TECRL: variants seen among roughly 807,000 people sequenced by gnomAD.
TECRL encodes the protein trans-2,3-enoyl-CoA reductase like, also known as trans-2,3-enoyl-CoA reductase-like.
In TECRL, 63 loss-of-function variants were observed where a neutral mutation model predicts 52.8. That is an observed-to-expected ratio of 1.19 (90% CI 0.97 to 1.47). TECRL has a LOEUF of 1.47. Ranked by LOEUF, TECRL falls within the 40% of genes most tolerant of loss-of-function variation. TECRL has a pLI of 0.00. For synonymous variants in TECRL, 164 were observed against 141.9 expected, an observed-to-expected ratio of 1.16 and a Z score of -1.10; for missense variants, 482 against 429.6, an observed-to-expected ratio of 1.12 and a Z score of -1.08.
intron 2 of TECRL, among the ~76,000 whole-genome samples, chr4:64,339,169 A>C (rs1719356130): frequency 6.6e-6 from 1 of 151,790 alleles, no homozygotes; most frequent in African/African-American, 2.4e-5. Context: ...CATTCTCAGC[A>C]AACTATCACA....
At chr4:64,324,228 G>A (rs1207539946) in intron 3 of TECRL, among the ~76,000 whole-genome samples, 3 of 152,116 alleles carry the variant, frequency 2.0e-5, no homozygotes, top group Admixed American at 6.5e-5. Context: ...ATCTTTTTAA[G>A]CACTATTTAT....
At chr4:64,374,034 ATATG>A (rs1316447967) in intron 2 of TECRL, among the ~76,000 whole-genome samples, 3 of 79,062 alleles carry the variant, frequency 3.8e-5, no homozygotes, top group Non-Finnish European at 7.4e-5. Flanking sequence ...ACATATATAT[ATATG>A]TATATAGTAG....
At chr4:64,373,108 C>A (rs1722100225) in intron 2 of TECRL, among the ~76,000 whole-genome samples, 1 of 151,408 alleles carries the variant, frequency 6.6e-6, no homozygotes, top group African/African-American at 2.4e-5. Context: ...TGTAATGCAG[C>A]AAAAAGTGTT....
intron 5 of TECRL, 40 bp downstream of exon 5, chr4:64,314,595 GTGTGTGTGTGTGT>G: frequency 3.9e-4 from 1 of 2,560 alleles, no homozygotes; most frequent in Non-Finnish European, 1.0e-3. Context: ...TGTATGGTGT[GTGTGTGTGTGTGT>G]GTGTGTGTGT....
intron 2 of TECRL, among the ~76,000 whole-genome samples, chr4:64,361,410 T>A (rs989381101): frequency 1.3e-5 from 2 of 152,088 alleles, no homozygotes; most frequent in Admixed American, 6.6e-5. Flanking sequence ...CCTATCCAAA[T>A]GTGCAAGGGC....
intron 2 of TECRL, among the ~76,000 whole-genome samples, chr4:64,344,404 G>A (rs575927023): frequency 1.3e-5 from 2 of 152,020 alleles, no homozygotes; most frequent in African/African-American, 2.4e-5. Context: ...AATTCCTGGT[G>A]CATTTTTGAG....
At chr4:64,398,240 G>A (rs1724100012) in intron 1 of TECRL, among the ~76,000 whole-genome samples, 3 of 152,012 alleles carry the variant, frequency 2.0e-5, no homozygotes, top group Non-Finnish European at 4.4e-5. Context: ...TATTTCTCAG[G>A]TGCGTCTAAT....
intron 2 of TECRL, among the ~76,000 whole-genome samples, chr4:64,371,629 T>G (rs990396555): frequency 6.6e-6 from 1 of 151,716 alleles, no homozygotes; most frequent in Non-Finnish European, 1.5e-5. Context: ...TGCTTTTCTG[T>G]GGAAACCCAG....
chr4:64,321,986 G>C (rs1448918330), intron 4 of TECRL, among the ~76,000 whole-genome samples: 1 of 152,100 alleles, frequency 6.6e-6, no homozygotes, highest in African/African-American at 2.4e-5. Context: ...AAATAACAAA[G>C]CATAGGTGGA....
intron 2 of TECRL, among the ~76,000 whole-genome samples, chr4:64,350,643 A>G (rs1446001416): frequency 6.6e-6 from 1 of 152,128 alleles, no homozygotes; most frequent in Non-Finnish European, 1.5e-5. Context: ...GCCATATCCA[A>G]TTAATTGAAA....
intron 2 of TECRL, among the ~76,000 whole-genome samples, chr4:64,345,524 G>A (rs1719888546): frequency 7.4e-6 from 1 of 134,368 alleles, no homozygotes; most frequent in African/African-American, 2.8e-5. Flanking sequence ...CACAGGAAGA[G>A]GAACATCACA....
At chr4:64,406,156 G>A (rs571060695) in intron 1 of TECRL, among the ~76,000 whole-genome samples, 2,489 of 95,012 alleles carry the variant, frequency 0.026, 32 homozygotes, top group Non-Finnish European at 0.046. Context: ...AGGCGCGCGC[G>A]CGCGCGCGCG....
At chr4:64,340,674 C>T (rs1203584016) in intron 2 of TECRL, among the ~76,000 whole-genome samples, 1 of 152,200 alleles carries the variant, frequency 6.6e-6, no homozygotes, top group Admixed American at 6.5e-5. Context: ...GCACCATAAA[C>T]AGCAGTAGGA....
chr4:64,320,602 T>C (rs1382914175), intron 4 of TECRL, among the ~76,000 whole-genome samples: 1 of 151,974 alleles, frequency 6.6e-6, no homozygotes, highest in Non-Finnish European at 1.5e-5. Flanking sequence ...TCCACTATAG[T>C]GTGTTTTCTT....
chr4:64,309,980 G>T (rs112447940), intron 5 of TECRL, 49 bp from the exon 6 acceptor site: 2 of 1,262,726 alleles, frequency 1.6e-6, no homozygotes, highest in East Asian at 4.9e-5. Flanking sequence ...TGAAGTTCTG[G>T]CTTGCCTCAT....
intron 8 of TECRL, among the ~76,000 whole-genome samples, chr4:64,298,550 A>G (rs936282604): frequency 6.6e-6 from 1 of 151,194 alleles, no homozygotes; most frequent in African/African-American, 2.4e-5. Context: ...ATGACTTATT[A>G]AAAGTTTTAT....
chr4:64,357,180 T>C (rs1720832616), intron 2 of TECRL, among the ~76,000 whole-genome samples: 1 of 152,066 alleles, frequency 6.6e-6, no homozygotes, highest in African/African-American at 2.4e-5. Flanking sequence ...AAATGTATTA[T>C]AAGAATAAAT....
intron 2 of TECRL, among the ~76,000 whole-genome samples, chr4:64,367,648 T>C (rs1277777143): frequency 1.1e-5 from 1 of 89,280 alleles, no homozygotes; most frequent in Non-Finnish European, 2.4e-5. Flanking sequence ...GAATAAGAAA[T>C]TTTTTGTTAC....
intron 2 of TECRL, among the ~76,000 whole-genome samples, chr4:64,338,479 A>G (rs1250729256): frequency 1.3e-5 from 2 of 152,216 alleles, no homozygotes; most frequent in African/African-American, 4.8e-5. Context: ...ATAAACTACC[A>G]TCAGAGTCAA....
Sources: gnomAD v4.1 joint callset for allele counts (sites outside exome capture counted in the v4.1 genomes callset) on GRCh38, gnomAD v4.1.1 for gene constraint, MANE v1.5 for transcripts, NCBI Gene and HGNC (gene_info 2026-07-23, HGNC 2026-07-21) for gene names.